Variants in ZFR2 observed in about 807,000 individuals in gnomAD.
ZFR2 encodes zinc finger RNA binding protein 2.
In ZFR2, 104 loss-of-function variants were observed where a neutral mutation model predicts 105.7. That is an observed-to-expected ratio of 0.98 (90% CI 0.84 to 1.16). ZFR2 has a LOEUF of 1.16. ZFR2 is among the 50% of genes most tolerant of loss of function. The pLI is 0.00. For missense variants in ZFR2, 1,425 were observed against 1,355.5 expected, an observed-to-expected ratio of 1.05 and a Z score of -0.80; for synonymous variants, 634 against 597.7, an observed-to-expected ratio of 1.06 and a Z score of -0.89.
intron 1 of ZFR2, among the ~76,000 whole-genome samples, chr19:3,864,320 G>A (rs1278964680): frequency 6.6e-6 from 1 of 152,162 alleles, no homozygotes; most frequent in Admixed American, 6.5e-5. Context: ...AGAGGCTGCA[G>A]TGAGCCAAGA....
At chr19:3,850,394 C>T (rs2038226001) in intron 1 of ZFR2, among the ~76,000 whole-genome samples, 1 of 151,984 alleles carries the variant, frequency 6.6e-6, no homozygotes, top group South Asian at 2.1e-4. Flanking sequence ...TGGGATTTAT[C>T]CTCAGCCATG....
At chr19:3,827,117 C>G (rs942515253) in intron 6 of ZFR2, among the ~76,000 whole-genome samples, 1 of 152,134 alleles carries the variant, frequency 6.6e-6, no homozygotes, top group Non-Finnish European at 1.5e-5. Flanking sequence ...TGGCGGATGC[C>G]TGTGATCCCA....
At chr19:3,851,898 G>A (rs1440798844) in intron 1 of ZFR2, 1 of 172,568 alleles carries the variant, frequency 5.8e-6, no homozygotes, top group Non-Finnish European at 1.2e-5. Context: ...ACAATAGCAG[G>A]GTTCACTAAT....
chr19:3,837,297 C>T (rs563782268), intron 1 of ZFR2, among the ~76,000 whole-genome samples: 36 of 152,346 alleles, frequency 2.4e-4, no homozygotes, highest in Admixed American at 1.2e-3. Context: ...GCTGGACATT[C>T]ATGAACACCA....
chr19:3,804,536 G>A lies in ZFR2; in HGVS notation c.*1413C>T, dbSNP rs980950998. The A allele has an allele frequency of 1.3e-5, 2 of 151,970 alleles. No homozygotes were observed. Among genetic ancestry groups the A allele is most frequent in the African/African-American group, 2.4e-5 (1 of 41,370 alleles). The allele number at this position is 151,970 out of a possible 1,614,324, so 9.4% of individuals were successfully genotyped here. ...CACTCAGTGGTACAGGGCTCGGGGC[G>A]GGGGGTGGGTGGGGGTGCCTCTGGG... On this transcript the variant is annotated 3_prime_UTR_variant, in exon 19 of 19. Transcript: ENST00000262961.
intron 7 of ZFR2, among the ~76,000 whole-genome samples, chr19:3,824,658 C>T (rs569994994): frequency 1.5e-3 from 234 of 152,276 alleles, no homozygotes; most frequent in Middle Eastern, 3.4e-3. Flanking sequence ...CAGAAGAGGC[C>T]GGGCGCAGTG....
chr19:3,812,135 C>T (rs974203162), intron 14 of ZFR2, among the ~76,000 whole-genome samples: 6 of 151,828 alleles, frequency 4.0e-5, no homozygotes, highest in African/African-American at 7.3e-5. Flanking sequence ...GTAGAGACAG[C>T]GTTTCACCGT....
At chr19:3,831,973 T>C in intron 3 of ZFR2, 95 bp from the exon 4 acceptor site, 1 of 1,102,592 alleles carries the variant, frequency 9.1e-7, no homozygotes, top group South Asian at 1.9e-5. Context: ...TGGAACACGC[T>C]AGATGCTTAA....
chr19:3,857,139 G>A (rs988288100), intron 1 of ZFR2: 1 of 134,070 alleles, frequency 7.5e-6, no homozygotes, highest in East Asian at 2.3e-4. Flanking sequence ...CCAGGCTGGA[G>A]TGCAGTGGCA....
At chr19:3,815,310 G>T (rs576282739) in intron 13 of ZFR2, among the ~76,000 whole-genome samples, 1 of 152,112 alleles carries the variant, frequency 6.6e-6, no homozygotes, top group Non-Finnish European at 1.5e-5. Context: ...AGCTGGTCTC[G>T]AACTCCGGAC....
At chr19:3,827,355 T>C in intron 6 of ZFR2, 116 bp downstream of exon 6, 1 of 1,301,118 alleles carries the variant, frequency 7.7e-7, no homozygotes, top group Admixed American at 3.5e-5. Flanking sequence ...CGCGCTCCAC[T>C]TGGGGAGGCT....
chr19:3,853,073 G>C (rs1395517064), intron 1 of ZFR2, among the ~76,000 whole-genome samples: 2 of 152,170 alleles, frequency 1.3e-5, no homozygotes, highest in African/African-American at 4.8e-5. Context: ...AGACCAGCCT[G>C]GGCAATACAG....
chr19:3,861,162 C>T (rs955489585), intron 1 of ZFR2, among the ~76,000 whole-genome samples: 1 of 152,058 alleles, frequency 6.6e-6, no homozygotes, highest in African/African-American at 2.4e-5. Flanking sequence ...CTCCGCCAAC[C>T]GCGACAAGTA....
At position 3,861,438 on chromosome 19, in the gene ZFR2, C is replaced by A. The variant is rs934817414; in HGVS notation, c.53+7527G>T. Among the ~76,000 whole-genome samples, 5 of 151,074 alleles carry A rather than the reference C, an allele frequency of 3.3e-5. No individual in the cohort carries two copies. In the Admixed American group the frequency reaches 3.3e-4, roughly 10 times the overall value. ...GCTCAGGAGTTTGAGACCAGCCTGG[C>A]CGATGGCAAAACCCCGTCTCTACAA... is the stretch of plus-strand genomic sequence containing the variant. On this transcript the variant is annotated intron_variant, in intron 1 of 18. Transcript: ENST00000262961.
intron 12 of ZFR2, 51 bp downstream of exon 12, chr19:3,818,984 CGAGGAGCTGA>C: frequency 6.4e-7 from 1 of 1,560,584 alleles, no homozygotes; most frequent in Non-Finnish European, 8.7e-7. Flanking sequence ...GGTCTCGTCC[CGAGGAGCTGA>C]CCTCTGTCCT....
At position 3,868,991 on chromosome 19, in the gene ZFR2, G is replaced by T. The variant is rs372059189; in HGVS notation, c.27C>A (p.Phe9Leu). The change falls in exon 1 of 19, where the codon TTC (phenylalanine) becomes TTA (leucine). Residue 9 changes from phenylalanine (F) to leucine (L), a missense_variant. Transcript: ENST00000262961. MATSQYFD[F>L]AQGGGPQYSA... ...TGTACTGCGGGCCGCCGCCCTGCGC[G>T]AAGTCGAAATACTGACTCGTCGCCA... 188 of 1,378,356 alleles carry T rather than the reference G, an allele frequency of 1.4e-4. No homozygotes were observed. In the African/African-American group the frequency reaches 2.6e-3, roughly 19 times the overall value. 85.4% of individuals were successfully genotyped at this position (1,378,356 alleles called of 1,614,324 possible).
chr19:3,865,541 G>T (rs1005492281), intron 1 of ZFR2, among the ~76,000 whole-genome samples: 1 of 151,976 alleles, frequency 6.6e-6, no homozygotes, highest in Non-Finnish European at 1.5e-5. Context: ...TATAGAGATG[G>T]GGGGAAAGGT....
intron 1 of ZFR2, among the ~76,000 whole-genome samples, chr19:3,859,763 G>GT (rs1366708074): frequency 2.0e-5 from 3 of 152,182 alleles, no homozygotes; most frequent in Non-Finnish European, 4.4e-5. Flanking sequence ...TTCAATCGCT[G>GT]TGTGTACACA....
Position 3,825,344 on chromosome 19 carries a change from CTG to C in ZFR2, c.1097_1098del (p.Thr366ArgfsTer42). On this transcript the variant is annotated frameshift_variant, in exon 7 of 19. Transcript: ENST00000262961. LOFTEE classifies it high-confidence loss of function. ...PIPTLEPALA[T>X]ESPPGAEAKP... ...TTGGCCTCTGCCCCGGGGGGGCTCT[CTG>C]TGGCCAGTGCAGGCTCGAGGGTGGG... The C allele has an allele frequency of 6.3e-7, 1 of 1,591,080 alleles. No individual in the cohort carries two copies. Among genetic ancestry groups the C allele is most frequent in the Non-Finnish European group, 8.5e-7 (1 of 1,171,564 alleles).
Sources: allele counts gnomAD v4.1 joint callset (sites outside exome capture counted in the v4.1 genomes callset), GRCh38; gene constraint gnomAD v4.1.1; transcripts MANE v1.5; gene names NCBI Gene and HGNC (gene_info 2026-07-23, HGNC 2026-07-21).